DAB2IP: variants seen among roughly 807,000 people sequenced by gnomAD.
DAB2IP encodes the protein disabled homolog 2-interacting protein.
A neutral mutation model predicts 107.2 loss-of-function variants in DAB2IP; 28 were observed. That is an observed-to-expected ratio of 0.26 (90% confidence interval 0.19 to 0.36). The LOEUF (loss-of-function observed/expected upper bound fraction) is 0.36, where lower values mean the gene tolerates loss of function less well. Among genes scored for constraint, DAB2IP ranks in the 10% least tolerant of loss-of-function variants. DAB2IP has a pLI of 1.00. For synonymous variants in DAB2IP, 755 were observed against 706.4 expected (o/e 1.07, Z -1.09); for missense variants, 1,400 against 1,644.7 (o/e 0.85, Z 2.57).
chr9:121,666,917 A>C (rs10985350), intron 1 of DAB2IP, among the ~76,000 whole-genome samples: 10,285 of 104,662 alleles, frequency 0.098, 443 homozygotes, highest in East Asian at 0.18. Context: ...CACACACACA[A>C]CACTCTTAAA....
At chr9:121,767,078 T>C (rs1834338615) in intron 9 of DAB2IP, among the ~76,000 whole-genome samples, 1 of 152,248 alleles carries the variant, frequency 6.6e-6, no homozygotes, top group Admixed American at 6.5e-5. Context: ...CTAATATTCC[T>C]CCAAGGGGGA....
intron 3 of DAB2IP, chr9:121,751,488 G>C (rs922655541): frequency 6.6e-6 from 1 of 152,570 alleles, no homozygotes; most frequent in Non-Finnish European, 1.5e-5. Flanking sequence ...GTGACATTGG[G>C]CTGGCCCTTG....
intron 1 of DAB2IP, among the ~76,000 whole-genome samples, chr9:121,642,020 TCTCTC>T (rs1564128790): frequency 3.4e-4 from 11 of 32,756 alleles, no homozygotes; most frequent in African/African-American, 1.4e-3. Context: ...TCTCTCTCTC[TCTCTC>T]TCTCTCTTTC....
chr9:121,778,095 A>G (rs1025257231), intron 14 of DAB2IP, among the ~76,000 whole-genome samples: 1 of 152,238 alleles, frequency 6.6e-6, no homozygotes, highest in African/African-American at 2.4e-5. Flanking sequence ...TCTGAAGTCT[A>G]ACATCAAAAT....
chr9:121,695,268 G>T (rs980126838), intron 2 of DAB2IP, among the ~76,000 whole-genome samples: 6 of 152,118 alleles, frequency 3.9e-5, no homozygotes, highest in Non-Finnish European at 8.8e-5. Context: ...CCTCCTTGGA[G>T]AGCCCAGACT....
chr9:121,659,982 G>A (rs10818583), intron 1 of DAB2IP, among the ~76,000 whole-genome samples: 30,080 of 151,682 alleles, frequency 0.2, 3,675 homozygotes, highest in South Asian at 0.31. Flanking sequence ...TGCCACAGCA[G>A]ATATAGCCAG....
intron 2 of DAB2IP, among the ~76,000 whole-genome samples, chr9:121,681,470 G>T (rs1200947380): frequency 6.6e-6 from 1 of 152,136 alleles, no homozygotes; most frequent in Non-Finnish European, 1.5e-5. Context: ...ACCTCGAGCT[G>T]CCTGGGACTC....
chr9:121,684,562 G>A lies in DAB2IP; in HGVS notation c.228+5781G>A, dbSNP rs1478648541. Among the ~76,000 whole-genome samples the A allele has an allele frequency of 1.3e-5, 2 of 152,078 alleles. No homozygotes were observed. Among genetic ancestry groups the A allele is most frequent in the Non-Finnish European group, 2.9e-5 (2 of 67,990 alleles). On this transcript the variant is annotated intron_variant, in intron 2 of 15. Coordinates refer to ENST00000408936, the Ensembl canonical transcript of DAB2IP. This position sits in a 1 kb window ranked among gnomAD's most constrained non-coding sequence, Gnocchi z 4.0. Reference sequence around the variant, plus strand: ...CACACTGCCCCCTCCTGGCCACCAGGCCCCAGCCCCAGCTGTAGAGGGACC... The same window carrying A: ...CACACTGCCCCCTCCTGGCCACCAGACCCCAGCCCCAGCTGTAGAGGGACC...
chr9:121,685,061 G>A (rs1264535846), intron 2 of DAB2IP, among the ~76,000 whole-genome samples: 1 of 152,192 alleles, frequency 6.6e-6, no homozygotes, highest in Non-Finnish European at 1.5e-5. Flanking sequence ...TCTGCTCTGT[G>A]AGTCAGTCTC....
At chr9:121,732,485 G>C (rs1439310552) in intron 3 of DAB2IP, among the ~76,000 whole-genome samples, 1 of 152,112 alleles carries the variant, frequency 6.6e-6, no homozygotes, top group Middle Eastern at 3.2e-3. Flanking sequence ...TAGCCAGATG[G>C]GTAGGAGTCT....
chr9:121,721,468 G>A (rs945638411), intron 3 of DAB2IP, among the ~76,000 whole-genome samples: 2 of 152,204 alleles, frequency 1.3e-5, no homozygotes, highest in African/African-American at 4.8e-5. Flanking sequence ...TGTGGGTCCT[G>A]CCATGTCCTG....
At position 121,579,116 on chromosome 9, in the gene DAB2IP, A is replaced by G. The variant is rs561087681; in HGVS notation, c.40+11888A>G. On this transcript the variant is annotated intron_variant, in intron 1 of 16. Coordinates refer to the DAB2IP transcript ENST00000259371. ...CAGATCTCTGCCCCTTACCAGGGGAAATGATGTAACTTCTCTGAATCTCAG... is the reference window on the plus strand; with the variant it reads ...CAGATCTCTGCCCCTTACCAGGGGAGATGATGTAACTTCTCTGAATCTCAG... Among the ~76,000 whole-genome samples the G allele has an allele frequency of 2.8e-4, 42 of 152,104 alleles. No individual in the cohort carries two copies. The South Asian group carries it at 8.3e-3, about 30-fold the overall frequency.
chr9:121,592,264 G>A (rs1830433990), intron 1 of DAB2IP, among the ~76,000 whole-genome samples: 5 of 152,158 alleles, frequency 3.3e-5, no homozygotes, highest in Admixed American at 2.0e-4. Context: ...TACTTGGGAA[G>A]CTGAGGCAGG....
In DAB2IP at chr9:121,699,325, G is replaced by A. The variant is rs747666068; in HGVS notation, c.229G>A (p.Gly77Ser). The A allele has an allele frequency of 1.8e-5, 26 of 1,453,336 alleles. No homozygotes were observed. The highest frequency in any genetic ancestry group is 9.3e-5 in the East Asian group (3 of 32,190). 90.0% of individuals were successfully genotyped at this position (1,453,336 alleles called of 1,614,324 possible). Residue 77 changes from glycine (G) to serine (S), a missense_variant and splice_region_variant, in exon 3 of 16, where the codon GGC becomes AGC. Around this residue, in one of 3 missense-constraint regions of DAB2IP, gnomAD observed 283 missense variants for 237.0 expected, o/e 1.19. Transcript: ENST00000408936. This position sits in a 1 kb window ranked among gnomAD's most constrained non-coding sequence, Gnocchi z 6.2. The stretch of plus-strand genomic sequence containing the variant: ...CCCCCTCTTGTCCCCCCGTGCGCAG[G>A]GCTTCCTCAGCCGCCGCCTCAAGGG...
chr9:121,742,389 G>A (rs1378325572), intron 3 of DAB2IP, among the ~76,000 whole-genome samples: 12 of 152,178 alleles, frequency 7.9e-5, no homozygotes, highest in Admixed American at 5.9e-4. Context: ...AGATTGCGCC[G>A]TTGCACTCCA....
At chr9:121,773,625 C>A in intron 12 of DAB2IP, 130 bp downstream of exon 12, 1 of 1,189,998 alleles carries the variant, frequency 8.4e-7, no homozygotes, top group Non-Finnish European at 1.1e-6. Context: ...ATCCCACCAG[C>A]CTGCCACATG....
intron 3 of DAB2IP, among the ~76,000 whole-genome samples, chr9:121,732,404 A>G (rs1831596493): frequency 6.6e-6 from 1 of 152,214 alleles, no homozygotes; most frequent in Non-Finnish European, 1.5e-5. Context: ...AGCCAAAGTC[A>G]TCACCATAAG....
intron 4 of DAB2IP, among the ~76,000 whole-genome samples, chr9:121,758,642 G>A (rs529019783): frequency 1.3e-5 from 2 of 152,330 alleles, no homozygotes; most frequent in African/African-American, 4.8e-5. Context: ...GGCACTGAGG[G>A]ACGAGTGAGG....
intron 1 of DAB2IP, among the ~76,000 whole-genome samples, chr9:121,631,195 G>A (rs1437369856): frequency 1.3e-5 from 2 of 152,232 alleles, no homozygotes; most frequent in African/African-American, 4.8e-5. Context: ...TCCTGGCCTG[G>A]TTGCGGGAGG....
Sources: gnomAD v4.1 joint callset for allele counts (sites outside exome capture counted in the v4.1 genomes callset) on GRCh38, gnomAD v4.1.1 for gene constraint, gnomAD v4.1.1 regional missense constraint, Gnocchi (gnomAD v3.1) non-coding constraint, MANE v1.5 for transcripts, NCBI Gene and HGNC (gene_info 2026-07-23, HGNC 2026-07-21) for gene names.